TJP1: variants seen among roughly 807,000 people sequenced by gnomAD.
The protein encoded by TJP1 is tight junction protein ZO-1.
Under a neutral mutation model 194.2 loss-of-function variants are expected in TJP1, and 43 were observed. The ratio of observed to expected loss-of-function variants is 0.22; its 90% confidence interval spans 0.17 to 0.29. TJP1 has a LOEUF of 0.29. Among genes scored for constraint, TJP1 ranks in the 10% least tolerant of loss-of-function variants. TJP1 has a pLI of 1.00. For missense variants in TJP1, 1,971 were observed against 2,185.7 expected, an observed-to-expected ratio of 0.90 and a Z score of 1.96; for synonymous variants, 801 against 779.0, an observed-to-expected ratio of 1.03 and a Z score of -0.47.
intron 2 of TJP1, among the ~76,000 whole-genome samples, chr15:29,901,196 G>C (rs1299531488): frequency 6.6e-6 from 1 of 152,186 alleles, no homozygotes; most frequent in Non-Finnish European, 1.5e-5. Flanking sequence ...TATTGTTGAA[G>C]ATAGAGACTG....
At chr15:29,925,838 C>T (rs1473612112) in intron 2 of TJP1, among the ~76,000 whole-genome samples, 22 of 152,244 alleles carry the variant, frequency 1.4e-4, no homozygotes, top group Non-Finnish European at 2.9e-5. Flanking sequence ...CAGATCTTGA[C>T]TGTCACAGAG....
chr15:29,828,995 C>T (rs762015376), intron 2 of TJP1, among the ~76,000 whole-genome samples: 47 of 152,094 alleles, frequency 3.1e-4, no homozygotes, highest in Non-Finnish European at 5.7e-4. Context: ...TTAAGTGATC[C>T]ACCGCCTTGG....
At chr15:29,709,862 A>C (rs1003200624) in intron 24 of TJP1, among the ~76,000 whole-genome samples, 15 of 152,116 alleles carry the variant, frequency 9.9e-5, no homozygotes, top group Non-Finnish European at 1.9e-4. Context: ...AAAAGAAAGA[A>C]GGCTAGGTGC....
intron 8 of TJP1, among the ~76,000 whole-genome samples, chr15:29,751,703 T>TTTTTTTTTTTTTTTTTTTTTTTG (rs1566954913): frequency 6.6e-6 from 1 of 152,222 alleles, no homozygotes; most frequent in East Asian, 1.9e-4. Context: ...GTAGATTTTA[T>TTTTTTTTTTTTTTTTTTTTTTTG]AGTGGGAGAC....
At chr15:29,816,201 T>A (rs2049908197) in intron 1 of TJP1, among the ~76,000 whole-genome samples, 1 of 152,080 alleles carries the variant, frequency 6.6e-6, no homozygotes, top group Non-Finnish European at 1.5e-5. Context: ...CTAATTTTTG[T>A]ATTTTTAGTA....
chr15:29,907,357 C>T (rs564159420), intron 2 of TJP1, among the ~76,000 whole-genome samples: 4 of 151,970 alleles, frequency 2.6e-5, no homozygotes, highest in South Asian at 4.2e-4. Flanking sequence ...TGTAGTGAGC[C>T]GAGATCGCAC....
intron 2 of TJP1, among the ~76,000 whole-genome samples, chr15:29,867,621 G>T (rs1440193620): frequency 6.6e-6 from 1 of 152,114 alleles, no homozygotes; most frequent in African/African-American, 2.4e-5. Flanking sequence ...TTTTAAAGAA[G>T]AATTGGCTGG....
chr15:29,949,765 T>TCCACCACCACC lies in TJP1; in HGVS notation c.306+6466_306+6467insGGTGGTGGTGG, dbSNP rs1567226235. Among the ~76,000 whole-genome samples the TCCACCACCACC allele has an allele frequency of 2.5e-3, 30 of 12,118 alleles. 1 individual carries two copies. The highest frequency in any genetic ancestry group is 4.1e-3 in the Non-Finnish European group (26 of 6,376). The allele number at this position is 12,118 out of a possible 152,430, so 7.9% of individuals were successfully genotyped here. ...CCACCACCTCCACTTTCACCACCAC[T>TCCACCACCACC]ACCTCCACCACCTCCACCACCACCA... is the stretch of plus-strand genomic sequence containing the variant. On this transcript the variant is annotated intron_variant, in intron 2 of 28. Transcript: ENST00000356107.
intron 2 of TJP1, among the ~76,000 whole-genome samples, chr15:29,846,539 C>A (rs2051416826): frequency 6.6e-6 from 1 of 152,074 alleles, no homozygotes; most frequent in Non-Finnish European, 1.5e-5. Flanking sequence ...TTTATTCACT[C>A]ATTCTAGACA....
In TJP1 at chr15:29,820,787, TTCC is replaced by T. The variant is rs879005224; in HGVS notation, c.27+1212_27+1214del. 1.1e-4 allele frequency: 63 copies of T among 551,058 alleles called. 2 individuals are homozygous for T. The South Asian group carries it at 1.6e-3, about 14-fold the overall frequency. The allele number at this position is 551,058 out of a possible 1,614,324, so 34.1% of individuals were successfully genotyped here. A position where few individuals can be genotyped will look rare whatever the true frequency, so the allele number is the denominator to read the frequency against. On this transcript the variant is annotated intron_variant, in intron 1 of 27. Transcript: ENST00000614355. ...ATCAAGTTTTACCTTTAGATTGTTC[TTCC>T]TCAATGTAAGGTCAAAAGGTGCAAG...
intron 2 of TJP1, among the ~76,000 whole-genome samples, chr15:29,927,530 G>T (rs1452872933): frequency 1.3e-5 from 2 of 152,128 alleles, no homozygotes; most frequent in Non-Finnish European, 2.9e-5. Context: ...GAGGAATTTA[G>T]ATTCTGAGAC....
At chr15:29,946,540 G>A (rs960639492) in intron 2 of TJP1, among the ~76,000 whole-genome samples, 1 of 152,192 alleles carries the variant, frequency 6.6e-6, no homozygotes, top group Admixed American at 6.5e-5. Flanking sequence ...CATTTCCGTG[G>A]TATTTCTTCC....
At chr15:29,938,354 A>T (rs2054950684) in intron 2 of TJP1, among the ~76,000 whole-genome samples, 1 of 152,246 alleles carries the variant, frequency 6.6e-6, no homozygotes, top group African/African-American at 2.4e-5. Flanking sequence ...AAATGGAGAA[A>T]CAAAGTTAAT....
rs114080001 is a variant in TJP1, at chr15:29,945,494, T to C, written c.306+10738A>G. Among the ~76,000 whole-genome samples, 822 of 152,224 alleles carry C rather than the reference T, an allele frequency of 5.4e-3. 16 individuals carry two copies. The highest frequency in any genetic ancestry group is 0.019 in the African/African-American group (795 of 41,536). The stretch of plus-strand genomic sequence containing the variant: ...TAAGAGCTCCTCTACTCTCTCTCAC[T>C]AAAACCTCACTTGCCAAGAATTCCC... On this transcript the variant is annotated intron_variant, in intron 2 of 28. Transcript: ENST00000356107.
intron 2 of TJP1, among the ~76,000 whole-genome samples, chr15:29,871,590 G>A (rs980534486): frequency 5.3e-5 from 8 of 152,242 alleles, no homozygotes; most frequent in African/African-American, 1.2e-4. Context: ...GAGGAAGTGC[G>A]TTAGTCACGT....
At chr15:29,964,568 C>A (rs1221432034) in intron 1 of TJP1, among the ~76,000 whole-genome samples, 1 of 152,066 alleles carries the variant, frequency 6.6e-6, no homozygotes, top group Non-Finnish European at 1.5e-5. Context: ...TGTGACCCTG[C>A]CAACACCTTG....
intron 2 of TJP1, among the ~76,000 whole-genome samples, chr15:29,832,856 G>A (rs146809240): frequency 1.1e-4 from 17 of 152,296 alleles, no homozygotes; most frequent in Admixed American, 9.2e-4. Context: ...GCTGGCAGAT[G>A]GCCTGGCCTT....
chr15:29,835,825 C>T (rs979519583), intron 2 of TJP1, among the ~76,000 whole-genome samples: 2 of 152,096 alleles, frequency 1.3e-5, no homozygotes, highest in Non-Finnish European at 1.5e-5. Flanking sequence ...GCATACTTTT[C>T]GGTCACATAT....
intron 5 of TJP1, among the ~76,000 whole-genome samples, chr15:29,764,314 G>GC (rs1401675158): frequency 6.6e-6 from 1 of 152,064 alleles, no homozygotes; most frequent in Non-Finnish European, 1.5e-5. Context: ...GGGATGCATG[G>GC]GGTGAGTGAC....
Sources: allele counts gnomAD v4.1 joint callset (sites outside exome capture counted in the v4.1 genomes callset), GRCh38; gene constraint gnomAD v4.1.1; transcripts MANE v1.5; gene names NCBI Gene and HGNC (gene_info 2026-07-23, HGNC 2026-07-21).